Variants in TECPR2 observed in about 807,000 individuals in gnomAD.
TECPR2 encodes the protein tectonin beta-propeller repeat containing 2.
Under a neutral mutation model 138.1 loss-of-function variants are expected in TECPR2, and 65 were observed. The ratio of observed to expected loss-of-function variants is 0.47; its 90% CI spans 0.39 to 0.58. The LOEUF (loss-of-function observed/expected upper bound fraction) is 0.58. TECPR2 is among the 20% of genes least tolerant of loss of function. The pLI, the probability that TECPR2 is intolerant of heterozygous loss-of-function variation, is 0.00. For missense variants in TECPR2, 1,553 were observed against 1,824.5 expected (o/e 0.85, Z 2.71); for synonymous variants, 746 against 749.8 (o/e 0.99, Z 0.08).
chr14:102,445,178 G>A (rs943242317), intron 12 of TECPR2, among the ~76,000 whole-genome samples: 9 of 152,244 alleles, frequency 5.9e-5, no homozygotes, highest in African/African-American at 2.2e-4. Context: ...AGCATGCAGA[G>A]TGGACCAACA....
intron 17 of TECPR2, among the ~76,000 whole-genome samples, chr14:102,466,671 C>T (rs1394316205): frequency 2.0e-5 from 3 of 152,246 alleles, no homozygotes; most frequent in South Asian, 2.1e-4. Context: ...AGTTACAACC[C>T]GCATAACATA....
intron 1 of TECPR2, among the ~76,000 whole-genome samples, chr14:102,375,031 T>A (rs1887608402): frequency 6.6e-6 from 1 of 151,956 alleles, no homozygotes; most frequent in Non-Finnish European, 1.5e-5. Context: ...AGAAAGGAGA[T>A]GTGTGGATAG....
chr14:102,372,672 C>T (rs1187424555), intron 1 of TECPR2, among the ~76,000 whole-genome samples: 1 of 152,136 alleles, frequency 6.6e-6, no homozygotes, highest in Non-Finnish European at 1.5e-5. Flanking sequence ...GTAATCCTAG[C>T]ACTTTGGGAG....
chr14:102,430,263 C>T (rs967006321), intron 7 of TECPR2, among the ~76,000 whole-genome samples: 3 of 152,274 alleles, frequency 2.0e-5, no homozygotes, highest in African/African-American at 4.8e-5. Flanking sequence ...CATGAGCCAC[C>T]GCGCCCAGCC....
At chr14:102,437,686 T>C (rs950960106) in intron 9 of TECPR2, among the ~76,000 whole-genome samples, 4 of 152,180 alleles carry the variant, frequency 2.6e-5, no homozygotes, top group Non-Finnish European at 5.9e-5. Flanking sequence ...TGGCTCTTTG[T>C]GTAAGGTGAG....
chr14:102,486,271 T>G (rs1357127685), intron 17 of TECPR2, among the ~76,000 whole-genome samples: 4 of 152,126 alleles, frequency 2.6e-5, no homozygotes, highest in Admixed American at 2.0e-4. Context: ...TTTCCAAATG[T>G]TTTTTAGCAG....
chr14:102,438,322 C>G (rs938439075), intron 10 of TECPR2, 117 bp downstream of exon 10: 2 of 1,315,716 alleles, frequency 1.5e-6, no homozygotes, highest in Non-Finnish European at 2.0e-6. Flanking sequence ...TGGGCTCACG[C>G]TGCCGTGCGT....
chr14:102,466,585 C>G lies in TECPR2; in HGVS notation c.3789+1296C>G, dbSNP rs1046266544. 1.9e-4 allele frequency among the ~76,000 whole-genome samples: 29 copies of G among 152,188 alleles called. 1 individual carries two copies. On this transcript the variant is annotated intron_variant, in intron 17 of 19. Coordinates refer to ENST00000359520, the MANE Select transcript of TECPR2 (RefSeq NM_014844.5). ...CTTAAATTCTCTGGTTGCCCGCACC[C>G]AGGTGGACTCCTTTGACACACCACT... is the stretch of plus-strand genomic sequence containing the variant.
intron 1 of TECPR2, among the ~76,000 whole-genome samples, chr14:102,374,103 A>T (rs1165108487): frequency 6.6e-6 from 1 of 151,694 alleles, no homozygotes; most frequent in Non-Finnish European, 1.5e-5. Flanking sequence ...AAGAAATAGA[A>T]TCTAAAAATG....
At position 102,425,050 on chromosome 14, in the gene TECPR2, G is replaced by A. The variant is rs551413559; in HGVS notation, c.710G>A (p.Arg237Gln). ...AGTGATCTAACCTTGTATGCGTCAC[G>A]GCCCGGGCTCCGGCTATGGAAGGCT... ...KQSDLTLYAS[R>Q]PGLRLWKADV... The change falls in exon 6 of 20, where the codon CGG becomes CAG. Residue 237 changes from arginine to glutamine, a missense_variant. Transcript: ENST00000359520. 8.7e-6 allele frequency: 14 copies of A among 1,613,970 alleles called. No homozygotes were observed. The highest frequency in any genetic ancestry group is 2.2e-5 in the East Asian group (1 of 44,884).
chr14:102,496,662 G>C (rs1162963319), intron 17 of TECPR2, among the ~76,000 whole-genome samples: 1 of 152,170 alleles, frequency 6.6e-6, no homozygotes, highest in African/African-American at 2.4e-5. Context: ...TTCACAGCCA[G>C]GTCCGCCGCA....
rs1195308790 is a variant in TECPR2, at chr14:102,445,846, G to T, written c.2974G>T (p.Asp992Tyr). 7.4e-6 allele frequency: 12 copies of T among 1,613,900 alleles called. No individual in the cohort carries two copies. The South Asian group carries it at 9.9e-5, about 13-fold the overall frequency. ...AGAACCCGTCTGCATAACGCTCGGGGATCAGCAGACTCTCTGGGCCCTGGA... is the reference window on the plus strand; with the variant it reads ...AGAACCCGTCTGCATAACGCTCGGGTATCAGCAGACTCTCTGGGCCCTGGA... The part of the protein sequence containing the change: ...ALEPVCITLG[D>Y]QQTLWALDIH... The change falls in exon 13 of 20, where the codon GAT becomes TAT. Residue 992 changes from aspartate to tyrosine, a missense_variant. By Grantham distance (160) the Asp-to-Tyr change is radical. Coordinates refer to ENST00000359520, the MANE Select transcript of TECPR2 (RefSeq NM_014844.5).
chr14:102,403,753 A>T (rs1347406878), intron 2 of TECPR2, among the ~76,000 whole-genome samples: 2 of 152,242 alleles, frequency 1.3e-5, no homozygotes, highest in Non-Finnish European at 2.9e-5. Context: ...AAAAGAAATT[A>T]AGAGGAAAAT....
intron 12 of TECPR2, among the ~76,000 whole-genome samples, chr14:102,445,327 G>A (rs144543629): frequency 2.6e-4 from 39 of 152,298 alleles, no homozygotes; most frequent in Non-Finnish European, 5.4e-4. Flanking sequence ...CATTCCCTTG[G>A]TGAGGGAGGG....
chr14:102,492,906 G>A (rs905185370), intron 17 of TECPR2, among the ~76,000 whole-genome samples: 13 of 152,256 alleles, frequency 8.5e-5, no homozygotes, highest in Admixed American at 2.0e-4. Context: ...GCCCGGAAGC[G>A]AGAGAGCCAA....
rs1378683693 is a variant in TECPR2 at position 102,452,605 on chromosome 14, C to T, written c.3618C>T (p.Thr1206=). Residue 1206 remains threonine, a synonymous_variant, in exon 16 of 20, where the codon ACC becomes ACT. Transcript: ENST00000359520. ...GCTGCCCCACGGGCATGCACTGGAC[C>T]AGGCTGGACCTCTCCCAGCTAGGTA... is the stretch of plus-strand genomic sequence containing the variant. The part of the protein sequence containing the change: ...SKSCPTGMHW[T]RLDLSQLGAV... 5 of 1,599,760 alleles carry T rather than the reference C, an allele frequency of 3.1e-6. No individual in the cohort carries two copies. Among genetic ancestry groups the T allele is most frequent in the Non-Finnish European group, 4.3e-6 (5 of 1,174,034 alleles).
intron 2 of TECPR2, among the ~76,000 whole-genome samples, chr14:102,398,820 A>T (rs1481459709): frequency 6.6e-6 from 1 of 152,260 alleles, no homozygotes; most frequent in East Asian, 1.9e-4. Context: ...GAGGCACTGC[A>T]CTCCAGCCTG....
In TECPR2 at chr14:102,419,690, C is replaced by G. The variant is rs1283935834; in HGVS notation, c.638+4897C>G. 6.6e-6 allele frequency among the ~76,000 whole-genome samples: 1 copy of G among 152,152 alleles called. No homozygotes were observed. The highest frequency in any genetic ancestry group is 1.5e-5 in the Non-Finnish European group (1 of 68,028). ...GTCGAGTCCGTGAACCTCTTCAGAC[C>G]GGATGATGTGTGTTACATCCAGAAA... On this transcript the variant is annotated intron_variant, in intron 5 of 19. Transcript: ENST00000359520. The surrounding 1 kb of genome is among the most constrained non-coding windows in gnomAD (Gnocchi z 4.8).
Position 102,497,050 on chromosome 14 carries a change from G to A in TECPR2, c.3861G>A (p.Arg1287=), listed in dbSNP as rs1399555681. ...AGATGCTGTGGGTGCTTGACAGCAG[G>A]TGGAACGTGCACGTGCGGACCGGGA... ...NDQMLWVLDS[R]WNVHVRTGIT... is the part of the protein sequence containing the mutation. The change falls in exon 18 of 20, where the codon AGG becomes AGA. Residue 1287 remains arginine (R), a synonymous_variant. Transcript: ENST00000359520. 16 of 1,613,986 alleles carry A rather than the reference G, an allele frequency of 9.9e-6. No homozygotes were observed. The highest frequency in any genetic ancestry group is 1.3e-5 in the Non-Finnish European group (15 of 1,180,026).
Sources: allele counts gnomAD v4.1 joint callset (sites outside exome capture counted in the v4.1 genomes callset), GRCh38; gene constraint gnomAD v4.1.1; non-coding constraint Gnocchi (gnomAD v3.1); transcripts MANE v1.5; gene names NCBI Gene and HGNC (gene_info 2026-07-23, HGNC 2026-07-21).